ABCC4: variants seen among roughly 807,000 people sequenced by gnomAD.
ABCC4 encodes the protein ATP-binding cassette sub-family C member 4.
Under a neutral mutation model 168.5 loss-of-function variants are expected in ABCC4, and 102 were observed. The ratio of observed to expected loss-of-function variants is 0.61; its 90% CI spans 0.52 to 0.71. ABCC4 has a LOEUF of 0.71. ABCC4 is among the 30% of genes least tolerant of loss of function. The pLI, the probability that ABCC4 is intolerant of heterozygous loss-of-function variation, is 0.00. For synonymous variants in ABCC4, 617 were observed against 590.7 expected, an observed-to-expected ratio of 1.04 and a Z score of -0.65; for missense variants, 1,402 against 1,605.8, an observed-to-expected ratio of 0.87 and a Z score of 2.17.
intron 25 of ABCC4, among the ~76,000 whole-genome samples, chr13:95,069,480 T>C (rs1385324304): frequency 6.6e-6 from 1 of 152,214 alleles, no homozygotes; most frequent in Non-Finnish European, 1.5e-5. Flanking sequence ...AATTGATCAT[T>C]GTAATCACTT....
intron 24 of ABCC4, 56 bp downstream of exon 24, chr13:95,073,148 A>T: frequency 1.4e-6 from 2 of 1,402,332 alleles, no homozygotes; most frequent in Non-Finnish European, 2.0e-6. Context: ...AATGGCTTTT[A>T]TACCATTTAA....
intron 9 of ABCC4, among the ~76,000 whole-genome samples, chr13:95,190,070 C>T (rs1259401367): frequency 6.6e-6 from 1 of 151,782 alleles, no homozygotes; most frequent in Non-Finnish European, 1.5e-5. Context: ...AGGCAGGGTA[C>T]GGACTGGTTC....
At chr13:95,098,523 T>C (rs2034687895) in intron 20 of ABCC4, among the ~76,000 whole-genome samples, 1 of 152,144 alleles carries the variant, frequency 6.6e-6, no homozygotes, top group Non-Finnish European at 1.5e-5. Context: ...ATAAAGACAT[T>C]AAATGGACAA....
intron 8 of ABCC4, among the ~76,000 whole-genome samples, chr13:95,195,624 C>T (rs1162737488): frequency 1.3e-5 from 2 of 152,054 alleles, no homozygotes; most frequent in African/African-American, 2.4e-5. Flanking sequence ...TTCACAATCA[C>T]CTATTATTAT....
chr13:95,104,009 G>GAC (rs2034908996), intron 20 of ABCC4, among the ~76,000 whole-genome samples: 1 of 152,218 alleles, frequency 6.6e-6, no homozygotes, highest in Non-Finnish European at 1.5e-5. Context: ...CAGGGCAACA[G>GAC]ACAAAGCCCT....
At chr13:95,240,154 T>C (rs922469793) in intron 3 of ABCC4, among the ~76,000 whole-genome samples, 9 of 152,136 alleles carry the variant, frequency 5.9e-5, no homozygotes, top group Non-Finnish European at 1.0e-4. Context: ...TGCAAGGATG[T>C]AGAGGGTCAC....
chr13:95,098,767 A>G (rs543391437), intron 20 of ABCC4, among the ~76,000 whole-genome samples: 1 of 152,324 alleles, frequency 6.6e-6, no homozygotes, highest in African/African-American at 2.4e-5. Context: ...AGACACTTGA[A>G]TGGCCAATTA....
chr13:95,209,388 T>C, intron 6 of ABCC4, 46 bp downstream of exon 6: 1 of 1,588,128 alleles, frequency 6.3e-7, no homozygotes, highest in Non-Finnish European at 8.6e-7. Flanking sequence ...AGACTGTGGA[T>C]GTTACCAAAT....
At chr13:95,270,730 C>T (rs1352179172) in intron 1 of ABCC4, among the ~76,000 whole-genome samples, 1 of 152,222 alleles carries the variant, frequency 6.6e-6, no homozygotes, top group Non-Finnish European at 1.5e-5. Context: ...TGTCTGCAAA[C>T]CACACTGAGT....
chr13:95,054,503 C>T (rs1265899570), intron 26 of ABCC4, among the ~76,000 whole-genome samples: 3 of 151,268 alleles, frequency 2.0e-5, no homozygotes, highest in Admixed American at 2.0e-4. Flanking sequence ...AGCCAAGATT[C>T]CGTCACTGCA....
At chr13:95,271,641 C>T (rs2040849658) in intron 1 of ABCC4, among the ~76,000 whole-genome samples, 1 of 152,190 alleles carries the variant, frequency 6.6e-6, no homozygotes, top group Non-Finnish European at 1.5e-5. Context: ...TTGTACCAAA[C>T]CTCAAGGATA....
intron 20 of ABCC4, among the ~76,000 whole-genome samples, chr13:95,095,376 G>C (rs1237945833): frequency 6.6e-6 from 1 of 152,020 alleles, no homozygotes; most frequent in African/African-American, 2.4e-5. Flanking sequence ...GGAATGAACT[G>C]ACAGCATTTG....
chr13:95,186,224 G>C (rs1466574346), intron 11 of ABCC4, among the ~76,000 whole-genome samples: 4 of 150,434 alleles, frequency 2.7e-5, no homozygotes, highest in Non-Finnish European at 5.9e-5. Context: ...AAGTAATAAG[G>C]TATTACAGAT....
At chr13:95,064,367 C>A (rs2033441010) in intron 25 of ABCC4, among the ~76,000 whole-genome samples, 1 of 150,238 alleles carries the variant, frequency 6.7e-6, no homozygotes, top group African/African-American at 2.4e-5. Flanking sequence ...AGAGGTGTCA[C>A]AAGTGACATA....
At chr13:95,101,408 C>T (rs560099813) in intron 20 of ABCC4, among the ~76,000 whole-genome samples, 6 of 151,286 alleles carry the variant, frequency 4.0e-5, no homozygotes, top group Admixed American at 6.6e-5. Flanking sequence ...TTTGCAATTC[C>T]GTGTGCCTCA....
At chr13:95,200,686 A>G (rs751474299) in intron 8 of ABCC4, among the ~76,000 whole-genome samples, 9 of 152,170 alleles carry the variant, frequency 5.9e-5, no homozygotes, top group Non-Finnish European at 1.0e-4. Flanking sequence ...ACGCCACTGC[A>G]CTCCAGCTTG....
chr13:95,098,418 GA>G (rs917700321), intron 20 of ABCC4, among the ~76,000 whole-genome samples: 9 of 151,390 alleles, frequency 5.9e-5, no homozygotes, highest in African/African-American at 2.2e-4. Flanking sequence ...GAATTCACTG[GA>G]AAAAAAATCA....
intron 13 of ABCC4, among the ~76,000 whole-genome samples, chr13:95,173,701 A>G (rs1451669160): frequency 6.6e-6 from 1 of 152,160 alleles, no homozygotes; most frequent in Non-Finnish European, 1.5e-5. Flanking sequence ...GAGGACCTGA[A>G]AGAGGGAAGG....
At chr13:95,291,630 G>A (rs2138953216) in intron 1 of ABCC4, among the ~76,000 whole-genome samples, 1 of 152,298 alleles carries the variant, frequency 6.6e-6, no homozygotes, top group South Asian at 2.1e-4. Flanking sequence ...TTTGCATAGG[G>A]ATAGAAGAGC....
Sources: allele counts gnomAD v4.1 joint callset (sites outside exome capture counted in the v4.1 genomes callset), GRCh38; gene constraint gnomAD v4.1.1; transcripts MANE v1.5; gene names NCBI Gene and HGNC (gene_info 2026-07-23, HGNC 2026-07-21).